FER: variants seen among roughly 807,000 people sequenced by gnomAD.
FER encodes the protein tyrosine-protein kinase Fer.
In FER, 63 loss-of-function variants were observed where a neutral mutation model predicts 111.0. The ratio of observed to expected loss-of-function variants is 0.57; its 90% CI spans 0.46 to 0.70. The LOEUF is 0.70. FER is among the 30% of genes least tolerant of loss of function. The probability of loss-of-function intolerance (pLI) is 0.00; values close to 1 mark genes in which losing one functional copy is unlikely to be tolerated. For missense variants in FER, 914 were observed against 954.0 expected (o/e 0.96, Z 0.55); for synonymous variants, 327 against 313.9 (o/e 1.04, Z -0.44).
intron 13 of FER, among the ~76,000 whole-genome samples, chr5:109,000,352 A>G (rs1437428049): frequency 6.6e-6 from 1 of 150,906 alleles, no homozygotes; most frequent in African/African-American, 2.4e-5. Flanking sequence ...ACTCTCTAGT[A>G]AAAAAAAATG....
chr5:108,791,025 A>G (rs1223085198), intron 2 of FER, among the ~76,000 whole-genome samples: 1 of 152,026 alleles, frequency 6.6e-6, no homozygotes, highest in Non-Finnish European at 1.5e-5. Context: ...ATGTTGTCCC[A>G]TTTTATTTAT....
chr5:109,010,246 C>T (rs1766070864), intron 13 of FER, among the ~76,000 whole-genome samples: 1 of 152,168 alleles, frequency 6.6e-6, no homozygotes, highest in Non-Finnish European at 1.5e-5. Flanking sequence ...CAAGCTCCGC[C>T]TCCTGGGTTA....
intron 16 of FER, among the ~76,000 whole-genome samples, chr5:109,062,656 A>C (rs1037480898): frequency 1.3e-5 from 2 of 152,124 alleles, no homozygotes; most frequent in South Asian, 4.1e-4. Context: ...GATGAATAGG[A>C]GACTTAGCAC....
At chr5:109,133,234 G>T (rs191305259) in intron 17 of FER, among the ~76,000 whole-genome samples, 1 of 152,226 alleles carries the variant, frequency 6.6e-6, no homozygotes, top group Admixed American at 6.5e-5. Flanking sequence ...ATTTCAGAAA[G>T]TGTTCCTTTT....
intron 10 of FER, among the ~76,000 whole-genome samples, chr5:108,920,835 A>G (rs1039525410): frequency 2.0e-5 from 3 of 152,080 alleles, no homozygotes; most frequent in Non-Finnish European, 2.9e-5. Context: ...TGGTATTCCT[A>G]TATAACCAGA....
At chr5:109,090,302 A>G (rs551859415) in intron 16 of FER, among the ~76,000 whole-genome samples, 34 of 152,290 alleles carry the variant, frequency 2.2e-4, no homozygotes, top group African/African-American at 7.2e-4. Flanking sequence ...ACATCCCCCC[A>G]AAAAGAGTTC....
At chr5:109,121,518 A>G (rs1750973126) in intron 17 of FER, among the ~76,000 whole-genome samples, 1 of 152,068 alleles carries the variant, frequency 6.6e-6, no homozygotes, top group East Asian at 1.9e-4. Context: ...GGATTTTTGC[A>G]TCAATGTTCA....
intron 18 of FER, among the ~76,000 whole-genome samples, chr5:109,183,853 AAATC>A (rs778922495): frequency 3.3e-5 from 5 of 152,188 alleles, no homozygotes; most frequent in African/African-American, 7.2e-5. Flanking sequence ...TTTAAAAAGA[AAATC>A]AAGCAATACT....
At chr5:108,769,320 C>G (rs555390612) in intron 2 of FER, among the ~76,000 whole-genome samples, 1 of 152,120 alleles carries the variant, frequency 6.6e-6, no homozygotes, top group East Asian at 1.9e-4. Flanking sequence ...ATTGGAAGAG[C>G]ATTCTCATTA....
At chr5:108,886,030 A>G (rs1396436971) in intron 9 of FER, among the ~76,000 whole-genome samples, 1 of 151,906 alleles carries the variant, frequency 6.6e-6, no homozygotes, top group Non-Finnish European at 1.5e-5. Context: ...ACTTTTTATA[A>G]TTTTGCAAAA....
intron 13 of FER, among the ~76,000 whole-genome samples, chr5:109,010,200 C>T (rs1343378880): frequency 6.6e-6 from 1 of 152,096 alleles, no homozygotes; most frequent in Non-Finnish European, 1.5e-5. Flanking sequence ...GCCTGTCGCC[C>T]AGGCTAGAGT....
At position 108,768,153 on chromosome 5, in the gene FER, A is replaced by G. The variant is rs1046706523; in HGVS notation, c.-145A>G. The G allele has an allele frequency of 6.6e-6, 1 of 152,224 alleles. No homozygotes were observed. Among genetic ancestry groups the G allele is most frequent in the Non-Finnish European group, 1.5e-5 (1 of 68,058 alleles). 9.4% of individuals were successfully genotyped at this position (152,224 alleles called of 1,614,324 possible). A position where few individuals can be genotyped will look rare whatever the true frequency, so the allele number is the denominator to read the frequency against. On this transcript the variant is annotated 5_prime_UTR_variant, in exon 2 of 20. Transcript: ENST00000281092. ...CTAGACTTCACTGCACGTTTTCTCA[A>G]GTATCTTCTTTGTCCCTAATGTGTG...
chr5:109,055,908 A>C (rs887600718), intron 16 of FER, among the ~76,000 whole-genome samples: 2 of 152,056 alleles, frequency 1.3e-5, no homozygotes, highest in Non-Finnish European at 2.9e-5. Flanking sequence ...TGTTTTTAAA[A>C]ATGGGCAAAG....
intron 16 of FER, among the ~76,000 whole-genome samples, chr5:109,099,333 T>C (rs1747923491): frequency 6.6e-6 from 1 of 151,550 alleles, no homozygotes; most frequent in African/African-American, 2.4e-5. Context: ...CTAGTGCTTC[T>C]AAAAAACTGA....
chr5:109,133,183 T>C (rs1322754766), intron 17 of FER, among the ~76,000 whole-genome samples: 1 of 152,166 alleles, frequency 6.6e-6, no homozygotes, highest in Non-Finnish European at 1.5e-5. Context: ...AGTTTGAAAG[T>C]GACTGTAGGA....
chr5:108,971,689 A>G (rs1760684938), intron 13 of FER, among the ~76,000 whole-genome samples: 1 of 152,158 alleles, frequency 6.6e-6, no homozygotes, highest in African/African-American at 2.4e-5. Context: ...AGAACATTCT[A>G]CATCAGCATT....
intron 2 of FER, among the ~76,000 whole-genome samples, chr5:108,776,409 A>G (rs1284161846): frequency 6.6e-6 from 1 of 152,192 alleles, no homozygotes; most frequent in East Asian, 1.9e-4. Context: ...AATTACAAAA[A>G]AGCAAATATT....
intron 17 of FER, among the ~76,000 whole-genome samples, chr5:109,104,906 C>G (rs894217023): frequency 2.0e-5 from 3 of 151,926 alleles, no homozygotes; most frequent in African/African-American, 7.3e-5. Flanking sequence ...CCACGCCCGG[C>G]TAATTTTTTT....
rs907576621 is a variant in FER, at chr5:108,802,144, AT to A, written c.207+3765del. Among the ~76,000 whole-genome samples, 56 of 149,556 alleles carry A rather than the reference AT, an allele frequency of 3.7e-4. 1 individual carries two copies. Among genetic ancestry groups the A allele is most frequent in the South Asian group, 2.8e-3 (13 of 4,706 alleles). On this transcript the variant is annotated intron_variant, in intron 3 of 19. Coordinates refer to ENST00000281092, the MANE Select transcript of FER (RefSeq NM_005246.4). ...CAGATTAAGGGGTACTACTGAACTT[AT>A]TTTTTTTTTCAAAATTATTTTGTCT...
Sources: gnomAD v4.1 joint callset for allele counts (sites outside exome capture counted in the v4.1 genomes callset) on GRCh38, gnomAD v4.1.1 for gene constraint, MANE v1.5 for transcripts, NCBI Gene and HGNC (gene_info 2026-07-23, HGNC 2026-07-21) for gene names.